The following POU2F1 variants were observed in gnomAD, a reference collection of about 807,000 sequenced individuals.
POU2F1 encodes POU class 2 homeobox 1.
In POU2F1, 16 loss-of-function variants were observed where a neutral mutation model predicts 84.9. The ratio of observed to expected loss-of-function variants is 0.19; its 90% CI spans 0.13 to 0.29. The LOEUF (loss-of-function observed/expected upper bound fraction) is 0.29. Among genes scored for constraint, POU2F1 ranks in the 10% least tolerant of loss-of-function variants. POU2F1 has a pLI of 1.00. For synonymous variants in POU2F1, 368 were observed against 368.3 expected, an observed-to-expected ratio of 1.00 and a Z score of 0.01; for missense variants, 738 against 942.6, an observed-to-expected ratio of 0.78 and a Z score of 2.84.
intron 7 of POU2F1, among the ~76,000 whole-genome samples, chr1:167,382,012 C>T (rs1337441815): frequency 6.6e-6 from 1 of 151,080 alleles, no homozygotes; most frequent in Non-Finnish European, 1.5e-5. Flanking sequence ...TCTAGACTAC[C>T]CTTCAGTATT....
chr1:167,412,320 A>G lies in POU2F1; in HGVS notation c.1901+16A>G, dbSNP rs1157106156. 34 of 1,516,934 alleles carry G rather than the reference A, an allele frequency of 2.2e-5. No homozygotes were observed. Among genetic ancestry groups the G allele is most frequent in the Non-Finnish European group, 2.9e-5 (33 of 1,123,590 alleles). The allele number at this position is 1,516,934 out of a possible 1,614,324, so 94.0% of individuals were successfully genotyped here. A position where few individuals can be genotyped will look rare whatever the true frequency, so the allele number is the denominator to read the frequency against. On this transcript the variant is annotated intron_variant, in intron 14 of 15. Coordinates refer to ENST00000367866, the MANE Select transcript of POU2F1 (RefSeq NM_002697.4). ...TTGCGGCTGGGTAAGGCGCTTTCTC[A>G]TCTCATTCACGTCTGAGGTGGAGGT... is the stretch of plus-strand genomic sequence containing the variant.
chr1:167,269,309 A>G (rs889929210), intron 1 of POU2F1, among the ~76,000 whole-genome samples: 6 of 152,368 alleles, frequency 3.9e-5, no homozygotes, highest in African/African-American at 1.4e-4. Flanking sequence ...TTACGTTTGC[A>G]AAGGAGTGTA....
chr1:167,238,353 A>AGATGAC (rs1649656857), intron 1 of POU2F1, among the ~76,000 whole-genome samples: 6 of 152,328 alleles, frequency 3.9e-5, no homozygotes, highest in African/African-American at 1.4e-4. Context: ...GATGATGCAA[A>AGATGAC]CAAGGAAAAC....
intron 1 of POU2F1, among the ~76,000 whole-genome samples, chr1:167,324,518 T>C: frequency 6.6e-6 from 1 of 152,308 alleles, no homozygotes; most frequent in South Asian, 2.1e-4. Flanking sequence ...AATCATTATG[T>C]ACTTGTGTTT....
At chr1:167,255,597 G>A (rs1309151675) in intron 1 of POU2F1, among the ~76,000 whole-genome samples, 1 of 152,146 alleles carries the variant, frequency 6.6e-6, no homozygotes, top group Non-Finnish European at 1.5e-5. Flanking sequence ...AGCATAGATT[G>A]GAGTGGTATG....
intron 2 of POU2F1, among the ~76,000 whole-genome samples, chr1:167,354,420 T>A (rs936318571): frequency 1.6e-4 from 25 of 152,102 alleles, no homozygotes; most frequent in Admixed American, 8.5e-4. Flanking sequence ...GCCTCCCTAG[T>A]GGCTGGGATT....
chr1:167,389,065 C>T (rs970271421), intron 8 of POU2F1, among the ~76,000 whole-genome samples: 1 of 152,114 alleles, frequency 6.6e-6, no homozygotes, highest in Non-Finnish European at 1.5e-5. Context: ...AACAGATATA[C>T]AAAAGCGAAA....
At position 167,417,199 on chromosome 1, in the gene POU2F1, T is replaced by A. The variant is rs1255051923; in HGVS notation, c.*1389T>A. ...TTTATAAATTCCTCTAACCCTGAGATTCTTCTTGGTTCTCTGACTAAAGGA... is the reference window on the plus strand; with the variant it reads ...TTTATAAATTCCTCTAACCCTGAGAATCTTCTTGGTTCTCTGACTAAAGGA... On this transcript the variant is annotated 3_prime_UTR_variant, in exon 16 of 16. Transcript: ENST00000367866. 1 of 152,200 alleles carries A rather than the reference T, an allele frequency of 6.6e-6. No individual in the cohort carries two copies. Among genetic ancestry groups the A allele is most frequent in the African/African-American group, 2.4e-5 (1 of 41,440 alleles). 9.4% of individuals were successfully genotyped at this position (152,200 alleles called of 1,614,324 possible). A position where few individuals can be genotyped will look rare whatever the true frequency, so the allele number is the denominator to read the frequency against.
intron 1 of POU2F1, among the ~76,000 whole-genome samples, chr1:167,307,729 A>G (rs1008071035): frequency 6.6e-6 from 1 of 152,182 alleles, no homozygotes; most frequent in African/African-American, 2.4e-5. Context: ...TAACATTGAC[A>G]GGTTACTATC....
chr1:167,376,956 C>A (rs770098741), intron 7 of POU2F1, among the ~76,000 whole-genome samples: 1 of 152,080 alleles, frequency 6.6e-6, no homozygotes, highest in Admixed American at 6.6e-5. Flanking sequence ...GCTATGGGAA[C>A]CAAGCAAAGA....
chr1:167,241,712 T>A (rs180936395), intron 1 of POU2F1: 2 of 152,384 alleles, frequency 1.3e-5, no homozygotes, highest in Non-Finnish European at 2.9e-5. Flanking sequence ...ACTGTTCTAA[T>A]GTTTTACATG....
intron 1 of POU2F1, among the ~76,000 whole-genome samples, chr1:167,239,947 CTT>C: frequency 7.1e-6 from 1 of 141,078 alleles, no homozygotes; most frequent in African/African-American, 2.6e-5. Flanking sequence ...GATGGAAAGG[CTT>C]TTTTTTTTTT....
chr1:167,299,004 A>T (rs1378626902), intron 1 of POU2F1, among the ~76,000 whole-genome samples: 1 of 151,960 alleles, frequency 6.6e-6, no homozygotes, highest in Admixed American at 6.6e-5. Context: ...TCTCTACTAA[A>T]AATACAAAAT....
rs1002850737 is a variant in POU2F1 at position 167,421,890 on chromosome 1, C to T, written c.*6080C>T. The T allele has an allele frequency of 6.9e-5, 7 of 100,740 alleles. No individual in the cohort carries two copies. The highest frequency in any genetic ancestry group is 9.3e-5 in the Non-Finnish European group (5 of 53,806). 6.2% of individuals were successfully genotyped at this position (100,740 alleles called of 1,614,324 possible). A position where few individuals can be genotyped will look rare whatever the true frequency, so the allele number is the denominator to read the frequency against. On this transcript the variant is annotated 3_prime_UTR_variant, in exon 16 of 16. Coordinates refer to ENST00000367866, the MANE Select transcript of POU2F1 (RefSeq NM_002697.4). ...TATTTGGGATCCTGTTTATAGGTTACAATTTATAGGGTTAGGGAGGGTTGG... is the reference window on the plus strand; with the variant it reads ...TATTTGGGATCCTGTTTATAGGTTATAATTTATAGGGTTAGGGAGGGTTGG...
chr1:167,311,753 T>C (rs1411131645), intron 1 of POU2F1, among the ~76,000 whole-genome samples: 2 of 150,480 alleles, frequency 1.3e-5, no homozygotes, highest in Non-Finnish European at 3.0e-5. Context: ...TAAGCTACTA[T>C]GGGTTATTAC....
At chr1:167,237,781 T>A (rs1272002479) in intron 1 of POU2F1, among the ~76,000 whole-genome samples, 8 of 120,434 alleles carry the variant, frequency 6.6e-5, no homozygotes, top group African/African-American at 2.2e-4. Context: ...TATTTTTTTT[T>A]TTTTTTTTTT....
At chr1:167,255,256 A>G (rs528444658) in intron 1 of POU2F1, among the ~76,000 whole-genome samples, 2 of 152,350 alleles carry the variant, frequency 1.3e-5, no homozygotes, top group Non-Finnish European at 2.9e-5. Context: ...AAGAAGTCCT[A>G]CTAGGTACCT....
At chr1:167,248,263 TAATG>T (rs1650483054) in intron 1 of POU2F1, among the ~76,000 whole-genome samples, 1 of 152,216 alleles carries the variant, frequency 6.6e-6, no homozygotes, top group Non-Finnish European at 1.5e-5. Context: ...TAGATGAACT[TAATG>T]GATGAATTTG....
At chr1:167,311,862 G>C (rs1433738476) in intron 1 of POU2F1, among the ~76,000 whole-genome samples, 1 of 150,904 alleles carries the variant, frequency 6.6e-6, no homozygotes, top group African/African-American at 2.4e-5. Context: ...GAGTGCATTG[G>C]TGCAATCTTG....
Sources: allele counts gnomAD v4.1 joint callset (sites outside exome capture counted in the v4.1 genomes callset), GRCh38; gene constraint gnomAD v4.1.1; transcripts MANE v1.5; gene names NCBI Gene and HGNC (gene_info 2026-07-23, HGNC 2026-07-21).